ACTN3: variants seen among roughly 807,000 people sequenced by gnomAD.
ACTN3 encodes alpha-actinin-3.
ACTN3 carries 91 observed loss-of-function variants against 119.6 expected under a neutral mutation model. The observed-to-expected ratio is 0.76, with a 90% CI of 0.64 to 0.91. The LOEUF (loss-of-function observed/expected upper bound fraction) is 0.91, where lower values mean the gene tolerates loss of function less well. ACTN3 is among the 40% of genes least tolerant of loss of function. The pLI is 0.00. For missense variants in ACTN3, 1,221 were observed against 1,215.1 expected (o/e 1.00, Z -0.07); for synonymous variants, 456 against 478.8 (o/e 0.95, Z 0.62).
rs376028578 is a variant in ACTN3 at position 66,551,296 on chromosome 11, A to G, written c.205A>G (p.Ile69Val). 2.5e-5 allele frequency: 41 copies of G among 1,612,594 alleles called. No homozygotes were observed. The African/African-American group carries it at 4.0e-4, about 16-fold the overall frequency. The change falls in exon 2 of 21, where the codon ATC becomes GTC. Residue 69 changes from isoleucine (I) to valine (V), a missense_variant. Physicochemically the swap from Ile to Val is conservative, Grantham distance 29. Around this residue, in one of 3 missense-constraint regions of ACTN3, gnomAD observed 239 missense variants for 231.8 expected, o/e 1.03. Transcript: ENST00000513398. The part of the protein sequence containing the change: ...LRKAGTQIEN[I>V]EEDFRNGLKL... ...CAAGGCAGGCACCCAGATCGAGAAC[A>G]TCGAGGAAGATTTCCGCAATGGCCT...
At chr11:66,560,427 G>T (rs1287010091) in intron 14 of ACTN3, 116 bp downstream of exon 14, 1 of 1,483,560 alleles carries the variant, frequency 6.7e-7, no homozygotes, top group Admixed American at 2.2e-5. Context: ...CCCAGTTCCC[G>T]AGTGCTGGGC....
chr11:66,552,261 T>C lies in ACTN3; in HGVS notation c.382+614T>C, dbSNP rs111373258. Reference sequence around the variant, plus strand: ...GGCGCGTGGCTGTAATCCCAACTACTTAGGAGGCTAAGGCAAGAGAATCAC... The same window carrying C: ...GGCGCGTGGCTGTAATCCCAACTACCTAGGAGGCTAAGGCAAGAGAATCAC... On this transcript the variant is annotated intron_variant, in intron 3 of 20. Coordinates refer to ENST00000513398, the MANE Select transcript of ACTN3 (RefSeq NM_001104.4). Among the ~76,000 whole-genome samples the C allele has an allele frequency of 8.8e-3, 1,333 of 151,598 alleles. 20 individuals carry two copies. The highest frequency in any genetic ancestry group is 0.03 in the African/African-American group (1,239 of 41,266).
chr11:66,554,940 C>T (rs368746409), intron 5 of ACTN3, among the ~76,000 whole-genome samples, 190 bp from the exon 6 acceptor site: 4 of 152,096 alleles, frequency 2.6e-5, no homozygotes, highest in African/African-American at 4.8e-5. Context: ...GAGTGTGTGA[C>T]GGAATCGTGA....
At chr11:66,546,709 C>A, upstream of ACTN3, 1 of 1,535,152 alleles carries the variant, frequency 6.5e-7, no homozygotes, top group Admixed American at 2.0e-5. Flanking sequence ...GGAATGCAAA[C>A]CCAGGATCTC....
At chr11:66,552,847 C>G (rs1254022545) in intron 3 of ACTN3, among the ~76,000 whole-genome samples, 2 of 102,618 alleles carry the variant, frequency 1.9e-5, no homozygotes, top group African/African-American at 9.8e-5. Flanking sequence ...ACAAGAGAGA[C>G]TCTGTCTCTC....
At chr11:66,562,389 G>A (rs1267341964) in intron 19 of ACTN3, 67 bp downstream of exon 19, 2 of 1,509,210 alleles carry the variant, frequency 1.3e-6, no homozygotes, top group Admixed American at 1.7e-5. Flanking sequence ...ATCACCTACT[G>A]TGCACCTCCC....
chr11:66,563,119 G>A lies in ACTN3; in HGVS notation c.2632G>A (p.Gly878Arg), dbSNP rs1857834826. The change falls in exon 21 of 21, where the codon GGA (glycine) becomes AGA (arginine). Residue 878 changes from glycine to arginine, a missense_variant. Physicochemically the swap from Gly to Arg is moderately radical, Grantham distance 125. This residue lies in a region of ACTN3 where 934 missense variants were observed against 899.9 expected (regional missense o/e 1.04). Coordinates refer to ENST00000513398, the MANE Select transcript of ACTN3 (RefSeq NM_001104.4). ...CATCCGCCGTATGGTGCCCTACAAG[G>A]GATCCGGGGCCCCGGCTGGAGCCCT... ...YCIRRMVPYK[G>R]SGAPAGALDY... 6.2e-7 allele frequency: 1 copy of A among 1,613,384 alleles called. No individual in the cohort carries two copies. Among genetic ancestry groups the A allele is most frequent in the Non-Finnish European group, 8.5e-7 (1 of 1,179,732 alleles).
intron 3 of ACTN3, 47 bp downstream of exon 3, chr11:66,551,694 C>CTGTGCCCTGTGAT (rs763205853): frequency 2.5e-6 from 4 of 1,607,480 alleles, no homozygotes; most frequent in Non-Finnish European, 3.4e-6. Flanking sequence ...AGGGGCCTCT[C>CTGTGCCCTGTGAT]TTGACATCAG....
At chr11:66,559,409 C>T (rs1002114256) in intron 12 of ACTN3, 23 bp downstream of exon 12, 2 of 1,465,076 alleles carry the variant, frequency 1.4e-6, no homozygotes, top group Non-Finnish European at 1.8e-6. Context: ...TCGCGGGGCC[C>T]GCCCCCAACA....
Position 66,560,571 on chromosome 11 carries a change from A to G in ACTN3, c.1678-2A>G. 6.2e-7 allele frequency: 1 copy of G among 1,608,084 alleles called. No homozygotes were observed. The highest frequency in any genetic ancestry group is 1.3e-5 in the African/African-American group (1 of 74,962). ...CTGACACTTCCTGCCTGTCGTCCCCAGAGCCTGCTGACAGCGCACGATCAG... is the reference window on the plus strand; with the variant it reads ...CTGACACTTCCTGCCTGTCGTCCCCGGAGCCTGCTGACAGCGCACGATCAG... On this transcript the variant is annotated splice_acceptor_variant, in intron 14 of 20. Coordinates refer to ENST00000513398, the MANE Select transcript of ACTN3 (RefSeq NM_001104.4). LOFTEE classifies it high-confidence loss of function.
intron 1 of ACTN3, among the ~76,000 whole-genome samples, chr11:66,549,185 A>T (rs928063731): frequency 6.6e-6 from 1 of 152,154 alleles, no homozygotes; most frequent in African/African-American, 2.4e-5. Flanking sequence ...AAATGTAGCA[A>T]GTGTTTCTCA....
intron 3 of ACTN3, among the ~76,000 whole-genome samples, chr11:66,552,880 TCACACACACA>T (rs4013815): frequency 2.2e-3 from 254 of 114,730 alleles, no homozygotes; most frequent in Middle Eastern, 4.2e-3. Context: ...TCTCTCTCTC[TCACACACACA>T]CACACACACA....
At chr11:66,549,732 C>CAAAA (rs61393902) in intron 1 of ACTN3, among the ~76,000 whole-genome samples, 15 of 42,970 alleles carry the variant, frequency 3.5e-4, no homozygotes, top group East Asian at 5.7e-4. Flanking sequence ...ACTCTGTCTC[C>CAAAA]AAAAAAAAAA....
Position 66,563,017 on chromosome 11 carries a change from A to G in ACTN3, c.2548-18A>G. 1 of 1,608,382 alleles carries G rather than the reference A, an allele frequency of 6.2e-7. No homozygotes were observed. Among genetic ancestry groups the G allele is most frequent in the Non-Finnish European group, 8.5e-7 (1 of 1,176,312 alleles). On this transcript the variant is annotated intron_variant, in intron 20 of 20. Coordinates refer to ENST00000513398, the MANE Select transcript of ACTN3 (RefSeq NM_001104.4). ...CAGGGCACGGGACCTGTGGGTCCTC[A>G]ACGCCTCTTCTCCCCAGAACTACAT...
chr11:66,561,974 G>A (rs1857781813), intron 17 of ACTN3, 48 bp from the exon 18 acceptor site: 3 of 1,560,268 alleles, frequency 1.9e-6, no homozygotes, highest in South Asian at 1.2e-5. Context: ...AGAGCCAGTG[G>A]CCAGGCACTG....
At chr11:66,551,981 C>T (rs1857481981) in intron 3 of ACTN3, among the ~76,000 whole-genome samples, 1 of 151,464 alleles carries the variant, frequency 6.6e-6, no homozygotes, top group African/African-American at 2.4e-5. Flanking sequence ...GAGGCTGAGG[C>T]ACAAGAATTG....
intron 5 of ACTN3, 77 bp from the exon 6 acceptor site, chr11:66,555,051 TGG>T: frequency 7.7e-7 from 1 of 1,301,772 alleles, no homozygotes; most frequent in Non-Finnish European, 1.1e-6. Flanking sequence ...GCTGTCCTTC[TGG>T]GGGGTGCTCC....
At chr11:66,559,834 C>G in intron 12 of ACTN3, 134 bp from the exon 13 acceptor site, 1 of 897,930 alleles carries the variant, frequency 1.1e-6, no homozygotes, top group Non-Finnish European at 1.7e-6. Flanking sequence ...GGAAAGCACC[C>G]AGCTTTACCC....
intron 8 of ACTN3, among the ~76,000 whole-genome samples, chr11:66,556,905 C>T (rs368163887): frequency 4.6e-5 from 7 of 152,298 alleles, no homozygotes; most frequent in South Asian, 4.1e-4. Context: ...AGACTACAGG[C>T]GCCCACCACC....
Sources: allele counts gnomAD v4.1 joint callset (sites outside exome capture counted in the v4.1 genomes callset), GRCh38; gene constraint gnomAD v4.1.1; regional missense constraint gnomAD v4.1.1; transcripts MANE v1.5; gene names NCBI Gene and HGNC (gene_info 2026-07-23, HGNC 2026-07-21).